The following PRPF3 variants were observed in gnomAD, a reference collection of about 807,000 sequenced individuals.
The protein encoded by PRPF3 is pre-mRNA processing factor 3.
Under a neutral mutation model 89.2 loss-of-function variants are expected in PRPF3, and 3 were observed. The observed-to-expected ratio is 0.03, with a 90% confidence interval of 0.02 to 0.09. The LOEUF (loss-of-function observed/expected upper bound fraction) is 0.09, where lower values mean the gene tolerates loss of function less well. PRPF3 is among the 10% of genes least tolerant of loss of function. PRPF3 has a pLI of 1.00. For synonymous variants in PRPF3, 270 were observed against 289.1 expected (o/e 0.93, Z 0.67); for missense variants, 463 against 828.8 (o/e 0.56, Z 5.42).
intron 8 of PRPF3, among the ~76,000 whole-genome samples, chr1:150,339,265 C>A (rs1657399778): frequency 6.6e-6 from 1 of 150,788 alleles, no homozygotes; most frequent in Non-Finnish European, 1.5e-5. Flanking sequence ...GTCCTGGCTA[C>A]CCAGGAGGCT....
In PRPF3 at chr1:150,338,203, G is replaced by C; in HGVS notation, c.1079G>C (p.Arg360Pro). The change falls in exon 8 of 16, where the codon CGA becomes CCA. Residue 360 changes from arginine to proline, a missense_variant. This residue lies in a region of PRPF3 where 261 missense variants were observed against 475.8 expected (regional missense o/e 0.55). Coordinates refer to ENST00000324862, the MANE Select transcript of PRPF3 (RefSeq NM_004698.4). ...CAGGCAGAGATTTCACAAGCAGCTC[G>C]AAAAACAGGCATCCATACTTCGACT... is the stretch of plus-strand genomic sequence containing the variant. The part of the protein sequence containing the change: ...KLQAEISQAA[R>P]KTGIHTSTRL... 6.2e-7 allele frequency: 1 copy of C among 1,614,116 alleles called. No individual in the cohort carries two copies. Among genetic ancestry groups the C allele is most frequent in the Non-Finnish European group, 8.5e-7 (1 of 1,180,030 alleles).
Position 150,328,310 on chromosome 1 carries a change from G to T in PRPF3, c.277-10G>T. 6.2e-7 allele frequency: 1 copy of T among 1,613,844 alleles called. No individual in the cohort carries two copies. The highest frequency in any genetic ancestry group is 8.5e-7 in the Non-Finnish European group (1 of 1,179,920). On this transcript the variant is annotated splice_polypyrimidine_tract_variant and intron_variant, in intron 3 of 15. Coordinates refer to ENST00000324862, the MANE Select transcript of PRPF3 (RefSeq NM_004698.4). ...GGATACAGCTTTTCTTTCATCTTGGGTTCCCTTAGGAGGTGTTTGGTGATG... is the reference window on the plus strand; with the variant it reads ...GGATACAGCTTTTCTTTCATCTTGGTTTCCCTTAGGAGGTGTTTGGTGATG...
intron 3 of PRPF3, chr1:150,327,717 C>A: frequency 1.3e-6 from 1 of 747,526 alleles, no homozygotes; most frequent in Non-Finnish European, 1.6e-6. Context: ...GTTAAATTCA[C>A]CTTGCAAATT....
intron 3 of PRPF3, among the ~76,000 whole-genome samples, chr1:150,326,702 A>T (rs1553863892): frequency 3.3e-5 from 5 of 150,956 alleles, no homozygotes; most frequent in Admixed American, 6.6e-5. Flanking sequence ...AAGCAGAGAG[A>T]TTTGTGCCCT....
intron 7 of PRPF3, among the ~76,000 whole-genome samples, chr1:150,337,062 G>A (rs1195144358): frequency 3.3e-5 from 3 of 89,714 alleles, no homozygotes; most frequent in South Asian, 3.3e-4. Context: ...TTTTTGAGAC[G>A]GAGTCTCGCT....
chr1:150,334,907 A>G, intron 6 of PRPF3, 28 bp from the exon 7 acceptor site: 1 of 1,613,158 alleles, frequency 6.2e-7, no homozygotes, highest in East Asian at 2.2e-5. Flanking sequence ...TCCATACAGG[A>G]TTTATTTCTT....
chr1:150,350,138 C>T (rs587727508), intron 15 of PRPF3, among the ~76,000 whole-genome samples: 35 of 151,924 alleles, frequency 2.3e-4, no homozygotes, highest in African/African-American at 8.5e-4. Context: ...TCAGGTGATC[C>T]GCCTGCCTCG....
intron 7 of PRPF3, among the ~76,000 whole-genome samples, chr1:150,337,040 C>CTTTTTTTTT (rs35026026): frequency 9.1e-5 from 11 of 121,266 alleles, no homozygotes; most frequent in Non-Finnish European, 1.6e-4. Flanking sequence ...CATAAAATTC[C>CTTTTTTTTT]TTTTTTTTTT....
chr1:150,330,722 CT>C (rs1232952290), intron 4 of PRPF3, among the ~76,000 whole-genome samples: 9 of 142,496 alleles, frequency 6.3e-5, no homozygotes, highest in Admixed American at 7.1e-5. Context: ...ATGTTTCTTT[CT>C]TTTTTTTTTT....
chr1:150,341,994 G>A (rs587673403), intron 9 of PRPF3, among the ~76,000 whole-genome samples: 7 of 151,858 alleles, frequency 4.6e-5, no homozygotes, highest in Admixed American at 2.0e-4. Context: ...GTGAGCCACC[G>A]CACCTGGCCC....
At chr1:150,341,126 A>AAG (rs1170693042) in intron 9 of PRPF3, among the ~76,000 whole-genome samples, 1 of 133,068 alleles carries the variant, frequency 7.5e-6, no homozygotes, top group African/African-American at 2.9e-5. Flanking sequence ...AAAAAAAAAA[A>AAG]AGAAGAAAGA....
intron 15 of PRPF3, among the ~76,000 whole-genome samples, chr1:150,349,553 T>C (rs181093572): frequency 1.9e-4 from 29 of 152,298 alleles, no homozygotes; most frequent in African/African-American, 6.7e-4. Context: ...GATTTACCTT[T>C]GGATATAGTG....
At position 150,333,239 on chromosome 1, in the gene PRPF3, G is replaced by A. The variant is rs782502893; in HGVS notation, c.728+40G>A. 1.4e-5 allele frequency: 22 copies of A among 1,597,960 alleles called. 1 individual carries two copies. The South Asian group carries it at 1.5e-4, about 11-fold the overall frequency. ...CATGGAATACCTTTTCATTTCTGAA[G>A]TTTGAGAAGCAATAAATACCTTTGA... is the stretch of plus-strand genomic sequence containing the variant. On this transcript the variant is annotated intron_variant, in intron 6 of 15. Transcript: ENST00000324862.
At chr1:150,331,899 GT>G (rs1294334789) in intron 4 of PRPF3, among the ~76,000 whole-genome samples, 3 of 151,950 alleles carry the variant, frequency 2.0e-5, no homozygotes, top group African/African-American at 7.3e-5. Context: ...CAAACTAGTA[GT>G]TCAAGTACTA....
intron 12 of PRPF3, 28 bp downstream of exon 12, chr1:150,344,575 C>T: frequency 6.2e-7 from 1 of 1,609,562 alleles, no homozygotes; most frequent in South Asian, 1.1e-5. Flanking sequence ...GCCAAACTTC[C>T]CCTTAGAATT....
chr1:150,351,750 T>C (rs587695425), intron 15 of PRPF3, among the ~76,000 whole-genome samples: 38 of 148,344 alleles, frequency 2.6e-4, no homozygotes, highest in Admixed American at 2.1e-3. Flanking sequence ...CCTTGAGTGA[T>C]CCTCCCACCT....
chr1:150,353,089 C>G lies in PRPF3; in HGVS notation c.*110C>G. ...TGTTTGTGTGATCTCAGAACTGTGC[C>G]AAGCAGACACTGGGACAAAGGGAGA... On this transcript the variant is annotated 3_prime_UTR_variant, in exon 16 of 16. Coordinates refer to ENST00000324862, the MANE Select transcript of PRPF3 (RefSeq NM_004698.4). 1 of 1,420,178 alleles carries G rather than the reference C, an allele frequency of 7.0e-7. No homozygotes were observed. Among genetic ancestry groups the G allele is most frequent in the East Asian group, 2.3e-5 (1 of 43,882 alleles). 88.0% of individuals were successfully genotyped at this position (1,420,178 alleles called of 1,614,324 possible).
intron 14 of PRPF3, among the ~76,000 whole-genome samples, chr1:150,346,765 G>A (rs1658307841): frequency 6.6e-6 from 1 of 152,066 alleles, no homozygotes; most frequent in Non-Finnish European, 1.5e-5. Context: ...TCTGAGTACC[G>A]GTTACATGAA....
intron 15 of PRPF3, among the ~76,000 whole-genome samples, chr1:150,351,073 T>C (rs1658881296): frequency 6.6e-6 from 1 of 152,142 alleles, no homozygotes; most frequent in Admixed American, 6.6e-5. Context: ...GAGACTAACC[T>C]GGCCAACATG....
Sources: allele counts gnomAD v4.1 joint callset (sites outside exome capture counted in the v4.1 genomes callset), GRCh38; gene constraint gnomAD v4.1.1; regional missense constraint gnomAD v4.1.1; transcripts MANE v1.5; gene names NCBI Gene and HGNC (gene_info 2026-07-23, HGNC 2026-07-21).